The following SPON1 variants were observed in gnomAD, a reference collection of about 807,000 sequenced individuals.
SPON1 encodes the protein spondin 1.
SPON1 carries 52 observed loss-of-function variants against 111.7 expected under a neutral mutation model. The observed-to-expected ratio is 0.47, with a 90% CI of 0.37 to 0.59. The LOEUF (loss-of-function observed/expected upper bound fraction) is 0.59, where lower values mean the gene tolerates loss of function less well. Among genes scored for constraint, SPON1 ranks in the 20% least tolerant of loss-of-function variants. The pLI, the probability that SPON1 is intolerant of heterozygous loss-of-function variation, is 0.00. For missense variants in SPON1, 957 were observed against 1,068.5 expected (o/e 0.90, Z 1.46); for synonymous variants, 410 against 395.8 (o/e 1.04, Z -0.43).
chr11:14,160,975 T>C (rs868919997), intron 6 of SPON1, among the ~76,000 whole-genome samples: 1 of 48,714 alleles, frequency 2.1e-5, no homozygotes, highest in African/African-American at 8.3e-5. Context: ...ATATATATTT[T>C]TATATATTTA....
intron 6 of SPON1, among the ~76,000 whole-genome samples, chr11:14,160,816 A>G (rs1350494834): frequency 4.4e-5 from 2 of 45,588 alleles, no homozygotes; most frequent in Non-Finnish European, 7.5e-5. Flanking sequence ...ATATATTTTT[A>G]TATATATTTT....
chr11:14,182,812 T>C (rs1045723056), intron 6 of SPON1, among the ~76,000 whole-genome samples: 2 of 152,102 alleles, frequency 1.3e-5, no homozygotes, highest in African/African-American at 4.8e-5. Context: ...TAGAAGGAAC[T>C]TCAACCTCTG....
intron 6 of SPON1, among the ~76,000 whole-genome samples, chr11:14,241,763 A>G (rs995364145): frequency 1.1e-4 from 16 of 152,316 alleles, no homozygotes; most frequent in African/African-American, 3.4e-4. Flanking sequence ...TTCAACAGAT[A>G]TTTCTTAGGA....
At chr11:14,044,833 A>G (rs7928929) in intron 3 of SPON1, among the ~76,000 whole-genome samples, 2,875 of 152,336 alleles carry the variant, frequency 0.019, 90 homozygotes, top group African/African-American at 0.065. Context: ...TTTTCACTAA[A>G]TAAGATGTAT....
At chr11:13,977,168 T>C (rs1044723248) in intron 1 of SPON1, among the ~76,000 whole-genome samples, 1 of 152,212 alleles carries the variant, frequency 6.6e-6, no homozygotes, top group Admixed American at 6.5e-5. Context: ...AATATTCTTA[T>C]AGGTATCTTT....
At chr11:14,167,115 A>T (rs1591396704) in intron 6 of SPON1, among the ~76,000 whole-genome samples, 1 of 152,290 alleles carries the variant, frequency 6.6e-6, no homozygotes, top group East Asian at 1.9e-4. Context: ...ACATATACCA[A>T]TAACACATTT....
In SPON1 at chr11:13,962,783, C is replaced by T. The variant is rs1847982482; in HGVS notation, c.-122C>T. 1.1e-6 allele frequency: 1 copy of T among 934,388 alleles called. No individual in the cohort carries two copies. The highest frequency in any genetic ancestry group is 1.8e-5 in the African/African-American group (1 of 56,532). The allele number at this position is 934,388 out of a possible 1,614,324, so 57.9% of individuals were successfully genotyped here. A position where few individuals can be genotyped will look rare whatever the true frequency, so the allele number is the denominator to read the frequency against. On this transcript the variant is annotated 5_prime_UTR_variant, in exon 1 of 16. Transcript: ENST00000576479. Reference sequence around the variant, plus strand: ...GGGCACGGTCTCCGAGTCGCGGACGCCAGCTCCGAGCTCCCTCTCTCCGCC... The same window carrying T: ...GGGCACGGTCTCCGAGTCGCGGACGTCAGCTCCGAGCTCCCTCTCTCCGCC...
At chr11:14,213,744 A>T (rs1554936926) in intron 6 of SPON1, among the ~76,000 whole-genome samples, 1 of 152,260 alleles carries the variant, frequency 6.6e-6, no homozygotes, top group African/African-American at 2.4e-5. Context: ...TATTAAAGTC[A>T]GTACATAAGC....
At chr11:14,120,927 A>G (rs1376366175) in intron 5 of SPON1, among the ~76,000 whole-genome samples, 1 of 152,224 alleles carries the variant, frequency 6.6e-6, no homozygotes, top group Non-Finnish European at 1.5e-5. Context: ...CACAGCAAGT[A>G]TATGGTGAAA....
chr11:13,984,576 A>C (rs781964105), intron 2 of SPON1, among the ~76,000 whole-genome samples: 1 of 152,156 alleles, frequency 6.6e-6, no homozygotes, highest in Non-Finnish European at 1.5e-5. Flanking sequence ...ACCACAATCC[A>C]TTCACAAAGG....
intron 5 of SPON1, among the ~76,000 whole-genome samples, chr11:14,089,616 G>A (rs1016913881): frequency 6.6e-6 from 1 of 152,206 alleles, no homozygotes; most frequent in Admixed American, 6.5e-5. Context: ...GGAGGTCAGG[G>A]ACTCACTTGA....
chr11:14,155,834 AT>A (rs1847839192), intron 6 of SPON1, among the ~76,000 whole-genome samples: 1 of 121,860 alleles, frequency 8.2e-6, no homozygotes, highest in African/African-American at 2.8e-5. Context: ...TGAACTCATC[AT>A]TTTTTATGGC....
chr11:14,163,646 T>C (rs1554931614), intron 6 of SPON1, among the ~76,000 whole-genome samples: 2 of 152,222 alleles, frequency 1.3e-5, no homozygotes, highest in African/African-American at 4.8e-5. Flanking sequence ...AGAATTTTAC[T>C]GTCATCACTA....
chr11:14,259,503 G>A lies in SPON1; in HGVS notation c.1664-31G>A. 6.4e-7 allele frequency: 1 copy of A among 1,569,050 alleles called. No homozygotes were observed. The highest frequency in any genetic ancestry group is 1.2e-5 in the South Asian group (1 of 85,468). On this transcript the variant is annotated intron_variant, in intron 12 of 15. Transcript: ENST00000576479. The surrounding 1 kb of genome is among the most constrained non-coding windows in gnomAD (Gnocchi z 5.0). ...GGGCAAGTAGGTCGGGGAGGCAGCA[G>A]GTGCGACTCCAATGCCGCTGGCCTC...
At chr11:14,251,941 ATG>A (rs1183445507) in intron 7 of SPON1, among the ~76,000 whole-genome samples, 1 of 152,242 alleles carries the variant, frequency 6.6e-6, no homozygotes, top group Non-Finnish European at 1.5e-5. Flanking sequence ...GTAGCTGATG[ATG>A]TCATTGCAAT....
chr11:14,181,669 C>T (rs1848236093), intron 6 of SPON1, among the ~76,000 whole-genome samples: 1 of 152,174 alleles, frequency 6.6e-6, no homozygotes, highest in Non-Finnish European at 1.5e-5. Context: ...CACCTGACCC[C>T]AGTTCACTGG....
intron 1 of SPON1, among the ~76,000 whole-genome samples, chr11:13,978,144 A>C (rs1407376330): frequency 6.6e-6 from 1 of 152,142 alleles, no homozygotes; most frequent in Non-Finnish European, 1.5e-5. Flanking sequence ...CCACTGGCTT[A>C]GTTTCTGTAG....
At chr11:13,973,371 G>T (rs1006762914) in intron 1 of SPON1, among the ~76,000 whole-genome samples, 8 of 152,218 alleles carry the variant, frequency 5.3e-5, no homozygotes. Context: ...GGGTCCCCCA[G>T]AGCTTCCTGC....
chr11:14,165,523 C>T (rs1848018973), intron 6 of SPON1, among the ~76,000 whole-genome samples: 1 of 152,152 alleles, frequency 6.6e-6, no homozygotes, highest in South Asian at 2.1e-4. Context: ...AGTTTTACTA[C>T]AGTGTTTAAA....
Sources: gnomAD v4.1 joint callset for allele counts (sites outside exome capture counted in the v4.1 genomes callset) on GRCh38, gnomAD v4.1.1 for gene constraint, Gnocchi (gnomAD v3.1) non-coding constraint, MANE v1.5 for transcripts, NCBI Gene and HGNC (gene_info 2026-07-23, HGNC 2026-07-21) for gene names.